WDPCP: variants seen among roughly 807,000 people sequenced by gnomAD.
WDPCP encodes the protein WD repeat containing planar cell polarity effector, also known as WD repeat-containing and planar cell polarity effector protein fritz homolog.
A neutral mutation model predicts 93.1 loss-of-function variants in WDPCP; 71 were observed. That is an observed-to-expected ratio of 0.76 (90% CI 0.63 to 0.93). The LOEUF is 0.93. WDPCP is among the 40% of genes least tolerant of loss of function. The pLI is 0.00. For missense variants in WDPCP, 844 were observed against 887.4 expected (o/e 0.95, Z 0.62); for synonymous variants, 315 against 315.0 (o/e 1.00, Z 0.00).
chr2:63,181,143 T>A (rs1188701034), intron 14 of WDPCP, among the ~76,000 whole-genome samples: 22 of 152,156 alleles, frequency 1.4e-4, no homozygotes, highest in Admixed American at 1.4e-3. Flanking sequence ...TTTCTCCCAT[T>A]CTACACATTG....
Position 63,442,059 on chromosome 2 carries a change from T to C in WDPCP, c.385-2188A>G, listed in dbSNP as rs193148720. 4 of 152,152 alleles carry C rather than the reference T, an allele frequency of 2.6e-5. No homozygotes were observed. The East Asian group carries it at 7.7e-4, about 29-fold the overall frequency. The allele number at this position is 152,152 out of a possible 1,614,324, so 9.4% of individuals were successfully genotyped here. A position where few individuals can be genotyped will look rare whatever the true frequency, so the allele number is the denominator to read the frequency against. ...GAGAAGGAGGTGGTGACTCTTGAGA[T>C]TGAGGCTGAGGATACAACTGACTCC... On this transcript the variant is annotated intron_variant, in intron 6 of 17. Coordinates refer to ENST00000272321, the MANE Select transcript of WDPCP (RefSeq NM_015910.7).
intron 1 of WDPCP, among the ~76,000 whole-genome samples, chr2:63,585,970 G>T (rs1708822253): frequency 6.6e-6 from 1 of 151,626 alleles, no homozygotes; most frequent in South Asian, 2.1e-4. Context: ...GGGACTACAG[G>T]TGCACAACAC....
At chr2:63,195,765 A>C (rs1675385593) in intron 14 of WDPCP, among the ~76,000 whole-genome samples, 2 of 152,232 alleles carry the variant, frequency 1.3e-5, no homozygotes. Context: ...AAACATGTAG[A>C]TACTAGTCTA....
chr2:63,512,211 G>C (rs1319165770), intron 1 of WDPCP, among the ~76,000 whole-genome samples: 1 of 152,152 alleles, frequency 6.6e-6, no homozygotes, highest in Non-Finnish European at 1.5e-5. Context: ...ACGCCAGTTA[G>C]GATAGCAATC....
intron 2 of WDPCP, among the ~76,000 whole-genome samples, chr2:63,676,868 T>C (rs1239978476): frequency 6.6e-6 from 1 of 152,188 alleles, no homozygotes; most frequent in African/African-American, 2.4e-5. Context: ...CTATGGATTG[T>C]GCCAATGTTC....
At chr2:63,720,493 G>A (rs1284109897) in intron 2 of WDPCP, among the ~76,000 whole-genome samples, 2 of 151,724 alleles carry the variant, frequency 1.3e-5, no homozygotes, top group Non-Finnish European at 2.9e-5. Flanking sequence ...AATTCTCAAG[G>A]CAGACTCCTT....
intron 17 of WDPCP, among the ~76,000 whole-genome samples, chr2:63,138,069 ATTTTT>A (rs34667163): frequency 1.1e-4 from 13 of 117,104 alleles, no homozygotes; most frequent in East Asian, 5.3e-4. Context: ...GTTCCATATG[ATTTTT>A]TTTTTTTTTT....
chr2:63,323,605 T>C (rs552552994), intron 12 of WDPCP, among the ~76,000 whole-genome samples: 1 of 152,206 alleles, frequency 6.6e-6, no homozygotes, highest in East Asian at 1.9e-4. Flanking sequence ...TCCACTTCAT[T>C]TGGGGGGCAT....
intron 2 of WDPCP, among the ~76,000 whole-genome samples, chr2:63,769,632 A>G (rs889510423): frequency 4.6e-5 from 7 of 152,020 alleles, no homozygotes; most frequent in Admixed American, 6.6e-5. Flanking sequence ...CAGAATCTAT[A>G]CGGAATAATT....
intron 9 of WDPCP, among the ~76,000 whole-genome samples, chr2:63,418,598 C>A (rs1695604018): frequency 6.6e-6 from 1 of 152,116 alleles, no homozygotes; most frequent in African/African-American, 2.4e-5. Flanking sequence ...ACTAAAGAGT[C>A]TTAAAATACA....
chr2:63,353,965 C>T (rs1034946574), intron 12 of WDPCP, among the ~76,000 whole-genome samples: 2 of 152,134 alleles, frequency 1.3e-5, no homozygotes, highest in Admixed American at 6.6e-5. Flanking sequence ...CCAGTCATCC[C>T]CTGCCAGAGC....
At chr2:63,545,061 G>C (rs1421223284) in intron 1 of WDPCP, among the ~76,000 whole-genome samples, 9 of 152,054 alleles carry the variant, frequency 5.9e-5, no homozygotes, top group African/African-American at 2.2e-4. Flanking sequence ...AAACAGAAAG[G>C]TACTCTAAGG....
intron 9 of WDPCP, among the ~76,000 whole-genome samples, chr2:63,415,439 A>ATTGT (rs1451217928): frequency 2.6e-4 from 39 of 152,226 alleles, no homozygotes; most frequent in Admixed American, 2.5e-3. Flanking sequence ...AGTAGTAAGC[A>ATTGT]AGAAAATAGG....
At chr2:63,122,972 CAG>C (rs1559135273) in intron 17 of WDPCP, among the ~76,000 whole-genome samples, 1 of 149,022 alleles carries the variant, frequency 6.7e-6, no homozygotes, top group Non-Finnish European at 1.5e-5. Context: ...TCAAAGGAAA[CAG>C]ATATGCGGCT....
chr2:63,722,757 C>T (rs532179950), intron 2 of WDPCP, among the ~76,000 whole-genome samples: 20 of 152,014 alleles, frequency 1.3e-4, no homozygotes, highest in African/African-American at 4.8e-4. Context: ...CCCCCTCTGC[C>T]CGGCCAGCCG....
intron 3 of WDPCP, among the ~76,000 whole-genome samples, chr2:63,618,831 A>G (rs57562367): frequency 0.013 from 2,017 of 152,090 alleles, 50 homozygotes; most frequent in African/African-American, 0.046. Flanking sequence ...CTGGGATTAC[A>G]GGTATGCACC....
chr2:63,684,909 A>G (rs1272952240), intron 2 of WDPCP, among the ~76,000 whole-genome samples: 1 of 152,226 alleles, frequency 6.6e-6, no homozygotes, highest in African/African-American at 2.4e-5. Flanking sequence ...AGGAAATTTT[A>G]AAAATGTCTT....
intron 2 of WDPCP, among the ~76,000 whole-genome samples, chr2:63,712,303 A>G (rs540663795): frequency 6.6e-6 from 1 of 152,332 alleles, no homozygotes; most frequent in African/African-American, 2.4e-5. Flanking sequence ...TATTGCCATG[A>G]GTTACCAATT....
upstream of WDPCP, chr2:63,593,649 G>A: frequency 2.1e-6 from 1 of 471,608 alleles, no homozygotes; most frequent in Non-Finnish European, 4.4e-6. Context: ...AGGTGACAGT[G>A]GAAGTACATT....
Sources: gnomAD v4.1 joint callset for allele counts (sites outside exome capture counted in the v4.1 genomes callset) on GRCh38, gnomAD v4.1.1 for gene constraint, MANE v1.5 for transcripts, NCBI Gene and HGNC (gene_info 2026-07-23, HGNC 2026-07-21) for gene names.